Variants in ST7 observed in about 807,000 individuals in gnomAD.
The protein encoded by ST7 is suppressor of tumorigenicity 7 protein.
In ST7, 28 loss-of-function variants were observed where a neutral mutation model predicts 78.7. That is an observed-to-expected ratio of 0.36 (90% CI 0.26 to 0.49). ST7 has a LOEUF of 0.49. Among genes scored for constraint, ST7 ranks in the 20% least tolerant of loss-of-function variants. The pLI, the probability that ST7 is intolerant of heterozygous loss-of-function variation, is 0.99. For synonymous variants in ST7, 247 were observed against 249.6 expected, an observed-to-expected ratio of 0.99 and a Z score of 0.10; for missense variants, 418 against 696.0, an observed-to-expected ratio of 0.60 and a Z score of 4.49.
At chr7:117,024,651 A>G (rs1268914394) in intron 1 of ST7, among the ~76,000 whole-genome samples, 1 of 152,184 alleles carries the variant, frequency 6.6e-6, no homozygotes, top group East Asian at 1.9e-4. Context: ...TGGAGGGGGA[A>G]AATAAATCAC....
chr7:116,995,715 A>G (rs1014491755), intron 1 of ST7, among the ~76,000 whole-genome samples: 2 of 152,170 alleles, frequency 1.3e-5, no homozygotes, highest in Admixed American at 6.5e-5. Context: ...TCAGATGCCT[A>G]CCTACAGTAG....
chr7:117,162,638 T>G (rs1807248008), intron 9 of ST7, among the ~76,000 whole-genome samples: 1 of 151,866 alleles, frequency 6.6e-6, no homozygotes, highest in South Asian at 2.1e-4. Context: ...GTGGGCTTTT[T>G]CCATTTTGCT....
At chr7:116,999,968 G>A (rs1206572006) in intron 1 of ST7, among the ~76,000 whole-genome samples, 6 of 151,740 alleles carry the variant, frequency 4.0e-5, no homozygotes, top group Non-Finnish European at 7.4e-5. Context: ...CTGCCACCAC[G>A]CCCAGCTAAT....
chr7:117,112,687 A>C (rs1293152492), intron 2 of ST7: 1 of 152,190 alleles, frequency 6.6e-6, no homozygotes, highest in Non-Finnish European at 1.5e-5. Flanking sequence ...AGAGTGGAAA[A>C]AGACACAGGG....
chr7:117,047,851 A>T (rs148382144), intron 1 of ST7, among the ~76,000 whole-genome samples: 1 of 152,168 alleles, frequency 6.6e-6, no homozygotes, highest in Non-Finnish European at 1.5e-5. Context: ...TTTATTTTCT[A>T]TGTTGTGCAC....
At chr7:117,206,272 C>T (rs1791744693) in intron 12 of ST7, among the ~76,000 whole-genome samples, 1 of 152,084 alleles carries the variant, frequency 6.6e-6, no homozygotes, top group African/African-American at 2.4e-5. Context: ...CTGATTAGGC[C>T]AGGGATGTTC....
chr7:117,052,334 G>C (rs1797829666), intron 1 of ST7, among the ~76,000 whole-genome samples: 1 of 152,098 alleles, frequency 6.6e-6, no homozygotes. Context: ...GAACTAAACA[G>C]GTTGATAAGT....
At chr7:117,167,149 C>T (rs1194255931) in intron 9 of ST7, among the ~76,000 whole-genome samples, 1 of 150,950 alleles carries the variant, frequency 6.6e-6, no homozygotes, top group Admixed American at 6.6e-5. Context: ...TATACATGTG[C>T]CATGCTGGTG....
rs575294944 is a variant in ST7, at chr7:117,149,285, A to G, written c.963+10753A>G. ...TTACTCTTTCACCAGTAAAATCATT[A>G]CTGCCTAAACAGAGTAAAGATAGTT... On this transcript the variant is annotated intron_variant, in intron 9 of 15. Transcript: ENST00000323984. Among the ~76,000 whole-genome samples the G allele has an allele frequency of 4.6e-5, 7 of 152,278 alleles. No individual in the cohort carries two copies. The East Asian group carries it at 1.4e-3, about 29-fold the overall frequency.
At chr7:117,116,454 CTT>C (rs2116920461) in intron 2 of ST7, among the ~76,000 whole-genome samples, 2 of 152,270 alleles carry the variant, frequency 1.3e-5, no homozygotes, top group South Asian at 4.2e-4. Flanking sequence ...CTGTGCAGCT[CTT>C]TTAAAATACT....
Position 117,229,902 on chromosome 7 carries a change from C to G in ST7, c.*45C>G. 6.7e-7 allele frequency: 1 copy of G among 1,498,570 alleles called. No individual in the cohort carries two copies. 92.8% of individuals were successfully genotyped at this position (1,498,570 alleles called of 1,614,324 possible). A position where few individuals can be genotyped will look rare whatever the true frequency, so the allele number is the denominator to read the frequency against. On this transcript the variant is annotated 3_prime_UTR_variant, in exon 16 of 16. Coordinates refer to ENST00000323984, the MANE Select transcript of ST7 (RefSeq NM_001369598.1). Reference sequence around the variant, plus strand: ...TCACCTCACCCGCCGCTGCCACCATCTCCTCTGTGCCAACTCCTTGTGGAC... The same window carrying G: ...TCACCTCACCCGCCGCTGCCACCATGTCCTCTGTGCCAACTCCTTGTGGAC...
chr7:117,182,060 C>T (rs1563147369), intron 10 of ST7, among the ~76,000 whole-genome samples: 1 of 152,140 alleles, frequency 6.6e-6, no homozygotes, highest in Non-Finnish European at 1.5e-5. Flanking sequence ...ATCCTATTCC[C>T]AGATTCTCTC....
chr7:117,211,410 A>C (rs909155293), intron 13 of ST7, among the ~76,000 whole-genome samples: 1 of 152,220 alleles, frequency 6.6e-6, no homozygotes, highest in African/African-American at 2.4e-5. Flanking sequence ...AAGATGTTCT[A>C]TCAGAAAGGA....
intron 1 of ST7, chr7:116,972,652 C>T (rs1469482806): frequency 2.6e-6 from 3 of 1,155,016 alleles, no homozygotes; most frequent in Non-Finnish European, 3.9e-6. Context: ...ACCTCTCTCA[C>T]TCTCATCAGC....
At chr7:117,053,113 T>C (rs981049391) in intron 1 of ST7, among the ~76,000 whole-genome samples, 1 of 152,206 alleles carries the variant, frequency 6.6e-6, no homozygotes, top group African/African-American at 2.4e-5. Context: ...AAGTTGTTTG[T>C]TGTTCTTCGT....
chr7:117,129,935 T>C, intron 4 of ST7, 88 bp downstream of exon 4: 1 of 1,018,928 alleles, frequency 9.8e-7, no homozygotes, highest in Middle Eastern at 2.1e-4. Flanking sequence ...CATTTAGGGG[T>C]CATTGTAACA....
intron 1 of ST7, among the ~76,000 whole-genome samples, chr7:117,012,610 G>C (rs1394115874): frequency 6.6e-6 from 1 of 152,042 alleles, no homozygotes; most frequent in Non-Finnish European, 1.5e-5. Context: ...CCAAGGCTCA[G>C]AGAGGTTTAA....
chr7:117,161,048 A>G (rs956384561), intron 9 of ST7, among the ~76,000 whole-genome samples: 1 of 152,116 alleles, frequency 6.6e-6, no homozygotes, highest in African/African-American at 2.4e-5. Flanking sequence ...CTATTAGATC[A>G]AATTATTTTA....
At chr7:117,218,727 G>A (rs768583221) in intron 13 of ST7, among the ~76,000 whole-genome samples, 1 of 152,036 alleles carries the variant, frequency 6.6e-6, no homozygotes, top group Non-Finnish European at 1.5e-5. Flanking sequence ...TTTAATCCAC[G>A]TTTGCATGAT....
Sources: gnomAD v4.1 joint callset for allele counts (sites outside exome capture counted in the v4.1 genomes callset) on GRCh38, gnomAD v4.1.1 for gene constraint, MANE v1.5 for transcripts, NCBI Gene and HGNC (gene_info 2026-07-23, HGNC 2026-07-21) for gene names.